Variants in SPEN observed in about 807,000 individuals in gnomAD.
SPEN encodes the protein msx2-interacting protein.
In SPEN, 18 loss-of-function variants were observed where a neutral mutation model predicts 269.9. The observed-to-expected ratio is 0.07, with a 90% CI of 0.05 to 0.10. The LOEUF is 0.10. Among genes scored for constraint, SPEN ranks in the 10% least tolerant of loss-of-function variants. The pLI is 1.00. For synonymous variants in SPEN, 1,726 were observed against 1,765.7 expected (o/e 0.98, Z 0.56); for missense variants, 3,822 against 4,631.2 (o/e 0.83, Z 5.07).
At chr1:15,899,323 T>TAC (rs1267373851) in intron 3 of SPEN, among the ~76,000 whole-genome samples, 6 of 152,060 alleles carry the variant, frequency 3.9e-5, no homozygotes, top group African/African-American at 1.4e-4. Context: ...TACAGGCACA[T>TAC]ACCACCATGC....
At chr1:15,902,834 G>A (rs1275370015) in intron 3 of SPEN, among the ~76,000 whole-genome samples, 1 of 151,888 alleles carries the variant, frequency 6.6e-6, no homozygotes, top group African/African-American at 2.4e-5. Context: ...ATGACAAATG[G>A]GCCCTCTAAC....
At chr1:15,872,598 T>TC (rs2070591437) in intron 1 of SPEN, among the ~76,000 whole-genome samples, 1 of 107,180 alleles carries the variant, frequency 9.3e-6, no homozygotes, top group East Asian at 2.4e-4. Flanking sequence ...AGACTCCATC[T>TC]CAAAAAAAAA....
In SPEN at chr1:15,939,467, C is replaced by A; in HGVS notation, c.*40C>A. 6.6e-7 allele frequency: 1 copy of A among 1,506,380 alleles called. No homozygotes were observed. The allele number at this position is 1,506,380 out of a possible 1,614,324, so 93.3% of individuals were successfully genotyped here. A position where few individuals can be genotyped will look rare whatever the true frequency, so the allele number is the denominator to read the frequency against. On this transcript the variant is annotated 3_prime_UTR_variant, in exon 15 of 15. Coordinates refer to ENST00000375759, the MANE Select transcript of SPEN (RefSeq NM_015001.3). This position sits in a 1 kb window ranked among gnomAD's most constrained non-coding sequence, Gnocchi z 4.1. Reference sequence around the variant, plus strand: ...ATCACCTCAGTGAATCTTCCCAGGGCTCTGCAGTAAAAACAAAGGACAACC... The same window carrying A: ...ATCACCTCAGTGAATCTTCCCAGGGATCTGCAGTAAAAACAAAGGACAACC...
At chr1:15,924,880 T>C (rs114153944) in intron 10 of SPEN, among the ~76,000 whole-genome samples, 1,862 of 152,338 alleles carry the variant, frequency 0.012, 23 homozygotes, top group Middle Eastern at 0.017. Flanking sequence ...CAGGAGGGTG[T>C]GGGACTTCAC....
At chr1:15,862,689 G>A (rs745409970) in intron 1 of SPEN, among the ~76,000 whole-genome samples, 2 of 151,736 alleles carry the variant, frequency 1.3e-5, no homozygotes, top group African/African-American at 2.4e-5. Flanking sequence ...AAAATATAAT[G>A]TGAGTATGTA....
At chr1:15,866,747 G>A (rs922224514) in intron 1 of SPEN, among the ~76,000 whole-genome samples, 2 of 152,168 alleles carry the variant, frequency 1.3e-5, no homozygotes, top group African/African-American at 4.8e-5. Flanking sequence ...GTATTACCAT[G>A]AAATGAAGCT....
chr1:15,910,270 G>T (rs1011527227), intron 4 of SPEN, among the ~76,000 whole-genome samples: 3 of 151,968 alleles, frequency 2.0e-5, no homozygotes, highest in Non-Finnish European at 2.9e-5. Flanking sequence ...GGACAAGGGA[G>T]TAAAATTGGC....
rs1376398116 is a variant in SPEN, at chr1:15,876,289, T to C, written c.492T>C (p.His164=). Residue 164 remains histidine, a synonymous_variant, in exon 3 of 15, where the codon CAT becomes CAC. Transcript: ENST00000375759. The part of the protein sequence containing the change: ...RGTGGFDRTR[H]YDQDYYRDPR... ...CGGGAGGATTTGATCGGACAAGACA[T>C]TACGATCAGGATTACTATAGAGATC... 6.2e-7 allele frequency: 1 copy of C among 1,613,912 alleles called. No individual in the cohort carries two copies. The highest frequency in any genetic ancestry group is 1.1e-5 in the South Asian group (1 of 91,052).
rs755563210 is a variant in SPEN, at chr1:15,874,172, G to C, written c.404+1036G>C. ...TCTCAAGAAAGAAGTCTGGGGGTTT[G>C]AGAGTTACAGTTTGTCTGGGACTAC... On this transcript the variant is annotated intron_variant, in intron 2 of 14. Coordinates refer to ENST00000375759, the MANE Select transcript of SPEN (RefSeq NM_015001.3). The C allele has an allele frequency of 5.1e-6, 7 of 1,366,388 alleles. No individual in the cohort carries two copies. In the Admixed American group the frequency reaches 1.1e-4, roughly 22 times the overall value. 84.6% of individuals were successfully genotyped at this position (1,366,388 alleles called of 1,614,324 possible). A position where few individuals can be genotyped will look rare whatever the true frequency, so the allele number is the denominator to read the frequency against.
chr1:15,928,704 C>G lies in SPEN; in HGVS notation c.2464C>G (p.Gln822Glu), dbSNP rs200484390. Reference sequence around the variant, plus strand: ...AGTGGAAAAGGACAAAACTGACAAGCAGAAACGCAAAGGAAAGGTTCACTC... The same window carrying G: ...AGTGGAAAAGGACAAAACTGACAAGGAGAAACGCAAAGGAAAGGTTCACTC... The part of the protein sequence containing the change: ...EKVEKDKTDK[Q>E]KRKGKVHSPS... Residue 822 changes from glutamine (Q) to glutamate (E), a missense_variant, in exon 11 of 15, where the codon CAG becomes GAG. Physicochemically the swap from Gln to Glu is conservative, Grantham distance 29. Coordinates refer to ENST00000375759, the MANE Select transcript of SPEN (RefSeq NM_015001.3). The surrounding 1 kb of genome is among the most constrained non-coding windows in gnomAD (Gnocchi z 5.7). The G allele has an allele frequency of 2.8e-5, 45 of 1,613,930 alleles. No individual in the cohort carries two copies. Among genetic ancestry groups the G allele is most frequent in the Middle Eastern group, 1.6e-4 (1 of 6,062 alleles).
At position 15,856,401 on chromosome 1, in the gene SPEN, A is replaced by G. The variant is rs928101937; in HGVS notation, c.83+8251A>G. ...TAGTAACTTCTTACTGGGATCTAAT[A>G]TTTCCTTCAACTATAATATAGAGAA... is the stretch of plus-strand genomic sequence containing the variant. On this transcript the variant is annotated intron_variant, in intron 1 of 14. Coordinates refer to ENST00000375759, the MANE Select transcript of SPEN (RefSeq NM_015001.3). Among the ~76,000 whole-genome samples, 31 of 152,106 alleles carry G rather than the reference A, an allele frequency of 2.0e-4. No homozygotes were observed. The Middle Eastern group carries it at 0.01, about 50-fold the overall frequency.
At position 15,929,149 on chromosome 1, in the gene SPEN, C is replaced by T. The variant is rs848208; in HGVS notation, c.2909C>T (p.Ala970Val). The T allele has an allele frequency of 0.11, 179,903 of 1,614,082 alleles. 12,350 individuals are homozygous for T. Among genetic ancestry groups the T allele is most frequent in the Admixed American group, 0.29 (17,461 of 60,008 alleles). ...AAGCACCTCAAGCCTGAGCAGCCTG[C>T]AGATGGGGTAAGTGCTGTGGATCTG... ...ARKHLKPEQPADGVSAVDLEK... is the reference protein window; with the variant it reads ...ARKHLKPEQPVDGVSAVDLEK... Residue 970 changes from alanine to valine, a missense_variant, in exon 11 of 15, where the codon GCA becomes GTA. Transcript: ENST00000375759. The surrounding 1 kb of genome is among the most constrained non-coding windows in gnomAD (Gnocchi z 5.8).
chr1:15,919,439 G>A lies in SPEN; in HGVS notation c.1557G>A (p.Val519=), dbSNP rs2071095931. 6.2e-7 allele frequency: 1 copy of A among 1,607,172 alleles called. No homozygotes were observed. Among genetic ancestry groups the A allele is most frequent in the Non-Finnish European group, 8.5e-7 (1 of 1,178,954 alleles). The part of the protein sequence containing the change: ...GFGKSMPTNC[V]WLDGLSSNVS... ...GAAAGAGCATGCCTACAAACTGCGTGTGGCTAGATGGGCTTTCTTCGAATG... is the reference window on the plus strand; with the variant it reads ...GAAAGAGCATGCCTACAAACTGCGTATGGCTAGATGGGCTTTCTTCGAATG... The change falls in exon 8 of 15, where the codon GTG becomes GTA. Residue 519 remains valine (V), a synonymous_variant. Coordinates refer to ENST00000375759, the MANE Select transcript of SPEN (RefSeq NM_015001.3).
chr1:15,922,414 G>T (rs2148734829), intron 10 of SPEN, 65 bp downstream of exon 10: 2 of 1,125,948 alleles, frequency 1.8e-6, no homozygotes, highest in Non-Finnish European at 2.6e-6. Flanking sequence ...AACTTAAGAT[G>T]GCATTAAATT....
rs2071186869 is a variant in SPEN at position 15,928,257 on chromosome 1, T to C, written c.2017T>C (p.Tyr673His). ...TYQGDYYESR[Y>H]YDDPREYRDY... Reference sequence around the variant, plus strand: ...CCAAGGAGACTACTATGAATCACGATACTACGATGATCCTCGGGAATACAG... The same window carrying C: ...CCAAGGAGACTACTATGAATCACGACACTACGATGATCCTCGGGAATACAG... Residue 673 changes from tyrosine to histidine, a missense_variant, in exon 11 of 15, where the codon TAC becomes CAC. By Grantham distance (83) the Tyr-to-His change is moderately conservative (BLOSUM62 2). This residue lies in a region of SPEN where 572 missense variants were observed against 582.6 expected (regional missense o/e 0.98). Coordinates refer to ENST00000375759, the MANE Select transcript of SPEN (RefSeq NM_015001.3). The surrounding 1 kb of genome is among the most constrained non-coding windows in gnomAD (Gnocchi z 5.7). 8 of 1,614,158 alleles carry C rather than the reference T, an allele frequency of 5.0e-6. No homozygotes were observed. Among genetic ancestry groups the C allele is most frequent in the Non-Finnish European group, 6.8e-6 (8 of 1,180,030 alleles).
Position 15,932,414 on chromosome 1 carries a change from C to T in SPEN, c.6174C>T (p.Ala2058=). 1.2e-6 allele frequency: 2 copies of T among 1,614,030 alleles called. No individual in the cohort carries two copies. Among genetic ancestry groups the T allele is most frequent in the African/African-American group, 2.7e-5 (2 of 74,994 alleles). The change falls in exon 11 of 15, where the codon GCC becomes GCT. Residue 2058 remains alanine, a synonymous_variant. Transcript: ENST00000375759. This position sits in a 1 kb window ranked among gnomAD's most constrained non-coding sequence, Gnocchi z 4.2. ...CAGACAAAAACCCCCCTGAAACCGC[C>T]CCTGTTGAAGTTGTAGAGAAAAAAC... ...AGTDKNPPET[A]PVEVVEKKPA... is the part of the protein sequence containing the mutation.
chr1:15,936,529 G>C (rs1482157831), intron 11 of SPEN, among the ~76,000 whole-genome samples: 1 of 151,854 alleles, frequency 6.6e-6, no homozygotes, highest in Non-Finnish European at 1.5e-5. Flanking sequence ...CACACCTGTG[G>C]TTTCAGCTAC....
chr1:15,923,838 T>G (rs1172477078), intron 10 of SPEN, among the ~76,000 whole-genome samples: 1 of 151,980 alleles, frequency 6.6e-6, no homozygotes, highest in African/African-American at 2.4e-5. Context: ...CCCGGCTAAT[T>G]TTTGTATTTT....
At chr1:15,898,287 A>G (rs2070862203) in intron 3 of SPEN, among the ~76,000 whole-genome samples, 1 of 151,806 alleles carries the variant, frequency 6.6e-6, no homozygotes, top group South Asian at 2.1e-4. Flanking sequence ...TTATTTTGCA[A>G]CCATCACCAC....
Sources: allele counts gnomAD v4.1 joint callset (sites outside exome capture counted in the v4.1 genomes callset), GRCh38; gene constraint gnomAD v4.1.1; regional missense constraint gnomAD v4.1.1; non-coding constraint Gnocchi (gnomAD v3.1); transcripts MANE v1.5; gene names NCBI Gene and HGNC (gene_info 2026-07-23, HGNC 2026-07-21).